The following ARHGAP27 variants were observed in gnomAD, a reference collection of about 807,000 sequenced individuals.
ARHGAP27 encodes the protein rho GTPase-activating protein 27.
ARHGAP27 carries 53 observed loss-of-function variants against 102.0 expected under a neutral mutation model. The ratio of observed to expected loss-of-function variants is 0.52; its 90% CI spans 0.42 to 0.65. The LOEUF (loss-of-function observed/expected upper bound fraction) is 0.65. ARHGAP27 is among the 30% of genes least tolerant of loss of function. The pLI is 0.00. For synonymous variants in ARHGAP27, 525 were observed against 542.8 expected (o/e 0.97, Z 0.46); for missense variants, 1,117 against 1,256.2 (o/e 0.89, Z 1.68).
chr17:45,419,508 GTATGTATATATATA>G lies in ARHGAP27; in HGVS notation c.657+10101_657+10114del, dbSNP rs1171889239. 1.6e-3 allele frequency among the ~76,000 whole-genome samples: 136 copies of G among 86,398 alleles called. 1 individual carries two copies. Among genetic ancestry groups the G allele is most frequent in the Middle Eastern group, 6.0e-3 (1 of 166 alleles). The allele number at this position is 86,398 out of a possible 152,430, so 56.7% of individuals were successfully genotyped here. ...TGTATATATATAAAAGACTTATGCT[GTATGTATATATATA>G]TATATATATATATATATATATATAT... On this transcript the variant is annotated intron_variant, in intron 4 of 19. Transcript: ENST00000685559.
intron 12 of ARHGAP27, among the ~76,000 whole-genome samples, chr17:45,399,181 C>T (rs1020778018): frequency 2.0e-5 from 3 of 152,164 alleles, no homozygotes; most frequent in Non-Finnish European, 2.9e-5. Context: ...TTTGGTTCAG[C>T]GAGAGTCAGA....
intron 11 of ARHGAP27, 104 bp downstream of exon 11, chr17:45,403,515 C>T (rs1303190793): frequency 2.0e-6 from 2 of 976,750 alleles, no homozygotes; most frequent in African/African-American, 1.7e-5. Flanking sequence ...TACACCACTA[C>T]ACTCCAGCCT....
chr17:45,414,902 CAAAAA>C (rs35471470), intron 4 of ARHGAP27, among the ~76,000 whole-genome samples: 5 of 92,964 alleles, frequency 5.4e-5, no homozygotes, highest in Non-Finnish European at 1.0e-4. Context: ...CTAAAAATAC[CAAAAA>C]AAAAAAAAAA....
At chr17:45,406,227 T>G in intron 4 of ARHGAP27, 144 bp from the exon 5 acceptor site, 1 of 996,450 alleles carries the variant, frequency 1.0e-6, no homozygotes, top group Non-Finnish European at 1.4e-6. Context: ...CAAAATTTTG[T>G]ACAACAAAGC....
intron 2 of ARHGAP27, among the ~76,000 whole-genome samples, 200 bp downstream of exon 2, chr17:45,432,010 CCCCCCA>C (rs1263829054): frequency 5.2e-5 from 7 of 134,792 alleles, no homozygotes; most frequent in Non-Finnish European, 9.7e-5. Context: ...TATTCCCCGC[CCCCCCA>C]CCCCCCACCC....
At chr17:45,410,290 C>T (rs2047756798) in intron 4 of ARHGAP27, 2 of 1,528,960 alleles carry the variant, frequency 1.3e-6, no homozygotes, top group Non-Finnish European at 1.7e-6. Flanking sequence ...GTCCACCATC[C>T]TGGCCCCTCT....
At position 45,406,095 on chromosome 17, in the gene ARHGAP27, G is replaced by A; in HGVS notation, c.658-12C>T. Reference sequence around the variant, plus strand: ...GGTGGGTCGTCCACCTGCGGGAGGAGAAAGGAGGAATTTTGTGTTTTCAGA... The same window carrying A: ...GGTGGGTCGTCCACCTGCGGGAGGAAAAAGGAGGAATTTTGTGTTTTCAGA... On this transcript the variant is annotated splice_polypyrimidine_tract_variant and intron_variant, in intron 4 of 19. Coordinates refer to ENST00000685559, the MANE Select transcript of ARHGAP27 (RefSeq NM_001282290.2). The A allele has an allele frequency of 6.7e-7, 1 of 1,502,348 alleles. No individual in the cohort carries two copies. The highest frequency in any genetic ancestry group is 8.9e-7 in the Non-Finnish European group (1 of 1,127,128). 93.1% of individuals were successfully genotyped at this position (1,502,348 alleles called of 1,614,324 possible). A position where few individuals can be genotyped will look rare whatever the true frequency, so the allele number is the denominator to read the frequency against.
At position 45,404,070 on chromosome 17, in the gene ARHGAP27, C is replaced by T. The variant is rs752813690; in HGVS notation, c.1506G>A (p.Val502=). Residue 502 remains valine (V), a synonymous_variant, in exon 10 of 20, where the codon GTG becomes GTA. Coordinates refer to ENST00000685559, the MANE Select transcript of ARHGAP27 (RefSeq NM_001282290.2). ...VRTKTLDKAG[V]LHRTKTADKG... Reference sequence around the variant, plus strand: ...TGTCTGCCGTCTTGGTGCGATGGAGCACCCCTGCCTTGTCCAAGGTCTTGG... The same window carrying T: ...TGTCTGCCGTCTTGGTGCGATGGAGTACCCCTGCCTTGTCCAAGGTCTTGG... 6 of 1,614,144 alleles carry T rather than the reference C, an allele frequency of 3.7e-6. No homozygotes were observed. The highest frequency in any genetic ancestry group is 5.1e-6 in the Non-Finnish European group (6 of 1,180,026).
At position 45,427,783 on chromosome 17, in the gene ARHGAP27, C is replaced by T. The variant is rs963301370; in HGVS notation, c.657+1840G>A. ...GTCTCTGGCCAATGTCCTAGATTCCCCCCCTGGGTAAGTCCCCTACCCCTA... is the reference window on the plus strand; with the variant it reads ...GTCTCTGGCCAATGTCCTAGATTCCTCCCCTGGGTAAGTCCCCTACCCCTA... On this transcript the variant is annotated intron_variant, in intron 4 of 19. Coordinates refer to ENST00000685559, the MANE Select transcript of ARHGAP27 (RefSeq NM_001282290.2). The surrounding 1 kb of genome is among the most constrained non-coding windows in gnomAD (Gnocchi z 4.5). 6.6e-6 allele frequency among the ~76,000 whole-genome samples: 1 copy of T among 152,210 alleles called. No individual in the cohort carries two copies. The highest frequency in any genetic ancestry group is 3.2e-3 in the Middle Eastern group (1 of 316).
At position 45,395,385 on chromosome 17, in the gene ARHGAP27, C is replaced by T. The variant is rs937892722; in HGVS notation, c.*71G>A. 63 of 1,486,656 alleles carry T rather than the reference C, an allele frequency of 4.2e-5. No homozygotes were observed. Among genetic ancestry groups the T allele is most frequent in the East Asian group, 9.9e-5 (4 of 40,430 alleles). The allele number at this position is 1,486,656 out of a possible 1,614,324, so 92.1% of individuals were successfully genotyped here. On this transcript the variant is annotated 3_prime_UTR_variant, in exon 20 of 20. Coordinates refer to ENST00000685559, the MANE Select transcript of ARHGAP27 (RefSeq NM_001282290.2). ...GGAGGGTCCCAGAGAGAAGAAGGCCCGGCTGCGTGGCCTCCGCCGCCCAGC... is the reference window on the plus strand; with the variant it reads ...GGAGGGTCCCAGAGAGAAGAAGGCCTGGCTGCGTGGCCTCCGCCGCCCAGC...
chr17:45,429,960 T>C lies in ARHGAP27; in HGVS notation c.320A>G (p.Asp107Gly). Residue 107 changes from aspartate (D) to glycine (G), a missense_variant, in exon 4 of 20, where the codon GAC (aspartate) becomes GGC (glycine). Asp to Gly is a moderately conservative substitution (Grantham distance 94). Coordinates refer to ENST00000685559, the MANE Select transcript of ARHGAP27 (RefSeq NM_001282290.2). ...GCCTCCGGACTCCTCGGGGGCGCCG[T>C]CGGGGCCCGCGGTCGCCGCCGCGCT... Reference protein sequence around the residue: ...FVSAAATAGPDGAPEESGGRA... With the variant: ...FVSAAATAGPGGAPEESGGRA... 8.8e-7 allele frequency: 1 copy of C among 1,134,704 alleles called. No individual in the cohort carries two copies. Among genetic ancestry groups the C allele is most frequent in the Non-Finnish European group, 1.1e-6 (1 of 927,770 alleles). The allele number at this position is 1,134,704 out of a possible 1,614,324, so 70.3% of individuals were successfully genotyped here.
intron 4 of ARHGAP27, among the ~76,000 whole-genome samples, chr17:45,418,986 C>A (rs1380899196): frequency 6.6e-6 from 1 of 152,030 alleles, no homozygotes; most frequent in Admixed American, 6.6e-5. Flanking sequence ...CACTCTAGGG[C>A]CCCCCCACCA....
intron 4 of ARHGAP27, chr17:45,410,512 T>A: frequency 1.8e-6 from 2 of 1,107,976 alleles, no homozygotes; most frequent in Non-Finnish European, 1.2e-6. Context: ...TTTATGCTTC[T>A]AGAAACACTG....
chr17:45,429,152 C>T (rs1224823624), intron 4 of ARHGAP27, among the ~76,000 whole-genome samples: 4 of 152,250 alleles, frequency 2.6e-5, no homozygotes, highest in African/African-American at 4.8e-5. Flanking sequence ...CGCAATCCCC[C>T]GTTCCGTGCC....
At chr17:45,419,822 C>T (rs1489311802) in intron 4 of ARHGAP27, among the ~76,000 whole-genome samples, 2 of 151,488 alleles carry the variant, frequency 1.3e-5, no homozygotes, top group African/African-American at 2.4e-5. Context: ...TATAAATAGA[C>T]CATTCACAGA....
intron 4 of ARHGAP27, among the ~76,000 whole-genome samples, chr17:45,410,685 C>T (rs2047816522): frequency 6.6e-6 from 1 of 152,024 alleles, no homozygotes; most frequent in African/African-American, 2.4e-5. Flanking sequence ...GGCGCGCTTG[C>T]ACAGACAGGG....
At chr17:45,414,594 C>T (rs1224790812) in intron 4 of ARHGAP27, among the ~76,000 whole-genome samples, 1 of 149,572 alleles carries the variant, frequency 6.7e-6, no homozygotes, top group Admixed American at 6.7e-5. Flanking sequence ...TACAGGCCCA[C>T]ACCACCACGC....
intron 4 of ARHGAP27, among the ~76,000 whole-genome samples, chr17:45,406,659 C>T (rs1482309939): frequency 6.6e-6 from 1 of 152,164 alleles, no homozygotes; most frequent in Non-Finnish European, 1.5e-5. Context: ...GGCCCTGCTG[C>T]ATTCTTTTTT....
At chr17:45,421,437 G>A (rs1171619443) in intron 4 of ARHGAP27, among the ~76,000 whole-genome samples, 9 of 150,256 alleles carry the variant, frequency 6.0e-5, no homozygotes, top group African/African-American at 2.2e-4. Context: ...AGCCGTGATC[G>A]TGCCATAGCA....
Sources: gnomAD v4.1 joint callset for allele counts (sites outside exome capture counted in the v4.1 genomes callset) on GRCh38, gnomAD v4.1.1 for gene constraint, Gnocchi (gnomAD v3.1) non-coding constraint, MANE v1.5 for transcripts, NCBI Gene and HGNC (gene_info 2026-07-23, HGNC 2026-07-21) for gene names.